The following C1orf185 variants were observed in gnomAD, a reference collection of about 807,000 sequenced individuals.
C1orf185 encodes the protein uncharacterized protein C1orf185.
A neutral mutation model predicts 16.1 loss-of-function variants in C1orf185; 13 were observed. That is an observed-to-expected ratio of 0.81 (90% CI 0.53 to 1.28). C1orf185 has a LOEUF of 1.28. Ranked by LOEUF, C1orf185 falls within the 50% of genes most tolerant of loss-of-function variation. The pLI, the probability that C1orf185 is intolerant of heterozygous loss-of-function variation, is 0.00. For missense variants in C1orf185, 220 were observed against 225.2 expected, an observed-to-expected ratio of 0.98 and a Z score of 0.15; for synonymous variants, 80 against 76.9, an observed-to-expected ratio of 1.04 and a Z score of -0.21.
intron 3 of C1orf185, among the ~76,000 whole-genome samples, chr1:51,132,825 C>T (rs1438448562): frequency 6.6e-6 from 1 of 152,080 alleles, no homozygotes. Flanking sequence ...AGTCAGGCCA[C>T]CTACAAAGGA....
chr1:51,151,868 T>G (rs1238235151), downstream of C1orf185, among the ~76,000 whole-genome samples: 2 of 152,134 alleles, frequency 1.3e-5, no homozygotes, highest in South Asian at 2.1e-4. Flanking sequence ...TTTTTGTATT[T>G]TTAGTAGAGA....
At chr1:51,121,664 C>T (rs945219980) in intron 3 of C1orf185, among the ~76,000 whole-genome samples, 1 of 152,058 alleles carries the variant, frequency 6.6e-6, no homozygotes. Flanking sequence ...AGGCAGACCT[C>T]TATGGGGCAG....
At chr1:51,139,248 G>T (rs1227698334) in intron 3 of C1orf185, among the ~76,000 whole-genome samples, 1 of 151,860 alleles carries the variant, frequency 6.6e-6, no homozygotes, top group East Asian at 1.9e-4. Flanking sequence ...GATTACAGGT[G>T]CTCGCCACCA....
downstream of C1orf185, among the ~76,000 whole-genome samples, chr1:51,151,109 A>T (rs904361490): frequency 6.6e-5 from 10 of 152,230 alleles, no homozygotes; most frequent in African/African-American, 2.2e-4. Context: ...TTGATTACAT[A>T]TACCTGAAAA....
intron 1 of C1orf185, among the ~76,000 whole-genome samples, chr1:51,109,570 A>G (rs1291867789): frequency 6.6e-6 from 1 of 151,340 alleles, no homozygotes; most frequent in South Asian, 2.1e-4. Flanking sequence ...TCTTTAATCC[A>G]TTTTGAGTTG....
chr1:51,145,276 G>T (rs1312942297), intron 3 of C1orf185, among the ~76,000 whole-genome samples: 2 of 151,864 alleles, frequency 1.3e-5, no homozygotes, highest in Non-Finnish European at 2.9e-5. Flanking sequence ...CTGCACTCCA[G>T]ACTGGGTGAC....
chr1:51,118,108 C>T (rs1026589112), intron 2 of C1orf185, among the ~76,000 whole-genome samples: 5 of 152,164 alleles, frequency 3.3e-5, no homozygotes, highest in African/African-American at 1.2e-4. Context: ...TTAGTAGAGA[C>T]AGGGTTTCAC....
intron 1 of C1orf185, among the ~76,000 whole-genome samples, chr1:51,111,374 C>CT (rs11414730): frequency 6.0e-4 from 81 of 133,966 alleles, no homozygotes; most frequent in African/African-American, 1.5e-3. Flanking sequence ...TTCTTTCTTT[C>CT]TTTTTTTTTT....
At chr1:51,120,382 G>A (rs1646189329) in intron 3 of C1orf185, among the ~76,000 whole-genome samples, 1 of 152,170 alleles carries the variant, frequency 6.6e-6, no homozygotes, top group South Asian at 2.1e-4. Context: ...ACTTCTCTGT[G>A]TCTCAGTTTC....
At chr1:51,119,821 A>T (rs1021653604) in intron 3 of C1orf185, among the ~76,000 whole-genome samples, 1 of 152,188 alleles carries the variant, frequency 6.6e-6, no homozygotes, top group Non-Finnish European at 1.5e-5. Context: ...TTTGTTGAGT[A>T]CTTTATATAC....
chr1:51,106,000 T>C (rs1289750151), intron 1 of C1orf185, among the ~76,000 whole-genome samples: 4 of 152,150 alleles, frequency 2.6e-5, no homozygotes, highest in Non-Finnish European at 5.9e-5. Context: ...GAGAGGTAAA[T>C]GATTCATTTA....
rs1213770912 is a variant in C1orf185 at position 51,131,175 on chromosome 1, T to C, written c.258+12374T>C. 2.6e-5 allele frequency among the ~76,000 whole-genome samples: 4 copies of C among 152,220 alleles called. No homozygotes were observed. The East Asian group carries it at 7.7e-4, about 29-fold the overall frequency. On this transcript the variant is annotated intron_variant, in intron 3 of 4. Transcript: ENST00000371759. ...ACCTTGGCCTCCCAAAGTGCTGGGA[T>C]TACAGGTGTAAGCCACTATGCCCAG...
intron 1 of C1orf185, among the ~76,000 whole-genome samples, chr1:51,104,118 G>T (rs1646053057): frequency 6.6e-6 from 1 of 152,096 alleles, no homozygotes; most frequent in Admixed American, 6.6e-5. Flanking sequence ...ATTTTAAACA[G>T]ATTTTTATCC....
At chr1:51,116,308 C>A (rs1329304725) in intron 2 of C1orf185, among the ~76,000 whole-genome samples, 1 of 150,082 alleles carries the variant, frequency 6.7e-6, no homozygotes, top group East Asian at 2.0e-4. Context: ...GATCAAGTCA[C>A]CCTACCCTTT....
chr1:51,112,437 ATAATCTTTTG>A lies in C1orf185; in HGVS notation c.17-22_17-13del, dbSNP rs763889049. On this transcript the variant is annotated splice_polypyrimidine_tract_variant and intron_variant, in intron 1 of 4. Coordinates refer to ENST00000371759, the MANE Select transcript of C1orf185 (RefSeq NM_001136508.2). Reference sequence around the variant, plus strand: ...TAGAGAATAAAAATACATGCATGAAATAATCTTTTGTAATTTGTTTGTATAGGTTTTTTTA... The same window carrying A: ...TAGAGAATAAAAATACATGCATGAAATAATTTGTTTGTATAGGTTTTTTTA... The A allele has an allele frequency of 3.4e-6, 5 of 1,491,442 alleles. No individual in the cohort carries two copies. The South Asian group carries it at 6.3e-5, about 19-fold the overall frequency. 92.4% of individuals were successfully genotyped at this position (1,491,442 alleles called of 1,614,324 possible).
intron 4 of C1orf185, among the ~76,000 whole-genome samples, 177 bp from the exon 5 acceptor site, chr1:51,147,290 C>CT (rs1275105414): frequency 6.6e-6 from 1 of 152,116 alleles, no homozygotes; most frequent in African/African-American, 2.4e-5. Context: ...TTAGAATAGT[C>CT]TTTTCTATTC....
At chr1:51,113,370 A>G (rs1278680786) in intron 2 of C1orf185, among the ~76,000 whole-genome samples, 1 of 151,124 alleles carries the variant, frequency 6.6e-6, no homozygotes, top group Non-Finnish European at 1.5e-5. Context: ...ATTATTAATT[A>G]TTAATATTAA....
chr1:51,132,995 T>G (rs1646296770), intron 3 of C1orf185, among the ~76,000 whole-genome samples: 1 of 152,142 alleles, frequency 6.6e-6, no homozygotes, highest in Admixed American at 6.5e-5. Context: ...AAGATCCTTT[T>G]CAGACAAGCA....
chr1:51,150,990 T>A (rs1421351893), downstream of C1orf185, among the ~76,000 whole-genome samples: 2 of 152,176 alleles, frequency 1.3e-5, no homozygotes, highest in African/African-American at 2.4e-5. Flanking sequence ...TATATGAACA[T>A]CCTTGAAAAG....
Sources: allele counts gnomAD v4.1 joint callset (sites outside exome capture counted in the v4.1 genomes callset), GRCh38; gene constraint gnomAD v4.1.1; transcripts MANE v1.5; gene names NCBI Gene and HGNC (gene_info 2026-07-23, HGNC 2026-07-21).